DNAH12: variants seen among roughly 807,000 people sequenced by gnomAD.
The protein encoded by DNAH12 is axonemal beta dynein heavy chain 12.
A neutral mutation model predicts 371.5 loss-of-function variants in DNAH12; 285 were observed. The observed-to-expected ratio is 0.77, with a 90% confidence interval of 0.70 to 0.85. The LOEUF (loss-of-function observed/expected upper bound fraction) is 0.85, where lower values mean the gene tolerates loss of function less well. Ranked by LOEUF, DNAH12 falls within the 40% of genes least tolerant of loss-of-function variation. DNAH12 has a pLI of 0.00. For missense variants in DNAH12, 3,611 were observed against 3,689.4 expected (o/e 0.98, Z 0.55); for synonymous variants, 1,200 against 1,213.0 (o/e 0.99, Z 0.22).
At chr3:57,483,782 C>CAA (rs369010253) in intron 12 of DNAH12, among the ~76,000 whole-genome samples, 93 of 136,588 alleles carry the variant, frequency 6.8e-4, no homozygotes, top group Non-Finnish European at 9.4e-4. Flanking sequence ...CCTGTCTCTA[C>CAA]AAAAAAAAAA....
At chr3:57,400,108 C>T (rs921178377) in intron 43 of DNAH12, among the ~76,000 whole-genome samples, 4 of 152,076 alleles carry the variant, frequency 2.6e-5, no homozygotes, top group South Asian at 2.1e-4. Context: ...GGCCAAATGG[C>T]GAAACCCCAT....
chr3:57,471,640 T>C (rs1406804732), intron 14 of DNAH12, 34 bp from the exon 15 acceptor site: 2 of 1,487,780 alleles, frequency 1.3e-6, no homozygotes, highest in South Asian at 2.7e-5. Flanking sequence ...TGTTAGTTAA[T>C]CTGTAACAAA....
chr3:57,465,302 G>A (rs1047774661), intron 17 of DNAH12, among the ~76,000 whole-genome samples: 3 of 152,024 alleles, frequency 2.0e-5, no homozygotes, highest in East Asian at 1.9e-4. Flanking sequence ...CAAACAAAAC[G>A]TCAGGCTAAA....
At chr3:57,492,291 T>A (rs576103815) in intron 11 of DNAH12, among the ~76,000 whole-genome samples, 1 of 152,038 alleles carries the variant, frequency 6.6e-6, no homozygotes, top group East Asian at 1.9e-4. Flanking sequence ...AGCAACCGTG[T>A]CTCTACTAAA....
At chr3:57,504,471 T>G (rs933724724) in intron 8 of DNAH12, among the ~76,000 whole-genome samples, 1 of 152,104 alleles carries the variant, frequency 6.6e-6, no homozygotes, top group Non-Finnish European at 1.5e-5. Flanking sequence ...AGTGCAGTGG[T>G]GCCATCATAG....
At chr3:57,342,793 G>C (rs1559571565) in intron 60 of DNAH12, among the ~76,000 whole-genome samples, 1 of 151,878 alleles carries the variant, frequency 6.6e-6, no homozygotes, top group African/African-American at 2.4e-5. Flanking sequence ...GGCAAATGAG[G>C]CTAGCATGAT....
At chr3:57,339,130 A>G (rs1481337969) in intron 60 of DNAH12, among the ~76,000 whole-genome samples, 1 of 152,190 alleles carries the variant, frequency 6.6e-6, no homozygotes, top group African/African-American at 2.4e-5. Flanking sequence ...GGTTAAATGG[A>G]TTAAGGGCGG....
intron 4 of DNAH12, among the ~76,000 whole-genome samples, chr3:57,513,867 G>T (rs375112878): frequency 6.6e-6 from 1 of 152,094 alleles, no homozygotes; most frequent in African/African-American, 2.4e-5. Context: ...ATTTTGGAAA[G>T]AAATTTTGCA....
chr3:57,551,522 T>TGGCTCCCAA, the DNAH12 span, among the ~76,000 whole-genome samples: 1 of 149,750 alleles, frequency 6.7e-6, no homozygotes, highest in African/African-American at 2.5e-5. Context: ...CCGCCCGCCT[T>TGGCTCCCAA]GGCTCCCAAA....
chr3:57,363,608 T>A lies in DNAH12; in HGVS notation c.9346A>T (p.Thr3116Ser), dbSNP rs1461332842. Residue 3116 changes from threonine to serine, a missense_variant, in exon 58 of 74, where the codon ACA becomes TCA. By Grantham distance (58) the Thr-to-Ser change is moderately conservative. Coordinates refer to ENST00000495027, the MANE Select transcript of DNAH12 (RefSeq NM_001366028.2). ...TCTTTTTTCACCTGCTGTTTCTTTGTTATTTCATTGGACATCATTTTGGCA... is the reference window on the plus strand; with the variant it reads ...TCTTTTTTCACCTGCTGTTTCTTTGATATTTCATTGGACATCATTTTGGCA... ...DSAKMMSNEITKKQQIAEKTE... is the reference protein window; with the variant it reads ...DSAKMMSNEISKKQQIAEKTE... 1 of 152,164 alleles carries A rather than the reference T, an allele frequency of 6.6e-6. No homozygotes were observed. The highest frequency in any genetic ancestry group is 1.5e-5 in the Non-Finnish European group (1 of 67,996). 9.4% of individuals were successfully genotyped at this position (152,164 alleles called of 1,614,324 possible).
chr3:57,376,549 C>T (rs1227019949), intron 53 of DNAH12, among the ~76,000 whole-genome samples: 1 of 152,100 alleles, frequency 6.6e-6, no homozygotes, highest in South Asian at 2.1e-4. Flanking sequence ...AGCTGGCTGT[C>T]CAATCCAAGT....
chr3:57,502,971 C>T (rs767091111), intron 9 of DNAH12, among the ~76,000 whole-genome samples: 5 of 152,146 alleles, frequency 3.3e-5, no homozygotes, highest in East Asian at 1.9e-4. Flanking sequence ...TGAGCCATTG[C>T]GCCTGGCCTA....
chr3:57,499,648 A>AAAAAAAAAAAAAAAAAATATATG lies in DNAH12; in HGVS notation c.1335+1672_1335+1673insCATATATTTTTTTTTTTTTTTTT, dbSNP rs71088082. Among the ~76,000 whole-genome samples, 2 of 21,298 alleles carry AAAAAAAAAAAAAAAAAATATATG rather than the reference A, an allele frequency of 9.4e-5. 1 individual carries two copies. The highest frequency in any genetic ancestry group is 4.0e-4 in the African/African-American group (2 of 5,028). 14.0% of individuals were successfully genotyped at this position (21,298 alleles called of 152,430 possible). A position where few individuals can be genotyped will look rare whatever the true frequency, so the allele number is the denominator to read the frequency against. On this transcript the variant is annotated intron_variant, in intron 11 of 73. Coordinates refer to ENST00000495027, the MANE Select transcript of DNAH12 (RefSeq NM_001366028.2). ...ATCTCTACAAAAAAAAAAAAAAAAA[A>AAAAAAAAAAAAAAAAAATATATG]TATATATATATATATATATATATAT...
In DNAH12 at chr3:57,405,900, T is replaced by A; in HGVS notation, c.6329A>T (p.Tyr2110Phe). 6.5e-7 allele frequency: 1 copy of A among 1,550,054 alleles called. No homozygotes were observed. Among genetic ancestry groups the A allele is most frequent in the Non-Finnish European group, 8.7e-7 (1 of 1,145,522 alleles). Residue 2110 changes from tyrosine (Y) to phenylalanine (F), a missense_variant, in exon 41 of 74, where the codon TAT becomes TTT. Around this residue, in one of 3 missense-constraint regions of DNAH12, gnomAD observed 2,266 missense variants for 2,236.9 expected, o/e 1.01. Transcript: ENST00000495027. ...NLLPTPTKSH[Y>F]TFNLRDFSRV... Reference sequence around the variant, plus strand: ...TGAAAAATCACGCAAGTTGAAAGTATAATGGGATTTTGTGGGAGTGGGTAA... The same window carrying A: ...TGAAAAATCACGCAAGTTGAAAGTAAAATGGGATTTTGTGGGAGTGGGTAA...
chr3:57,516,084 G>C (rs71311812), intron 4 of DNAH12, among the ~76,000 whole-genome samples: 1 of 87,188 alleles, frequency 1.1e-5, no homozygotes, highest in African/African-American at 4.6e-5. Context: ...TTTTTCTTCA[G>C]ATGGAGTCTC....
upstream of DNAH12, among the ~76,000 whole-genome samples, chr3:57,549,282 G>A (rs957470756): frequency 6.6e-6 from 1 of 152,026 alleles, no homozygotes; most frequent in African/African-American, 2.4e-5. Flanking sequence ...TTAGGAGATT[G>A]AGGCAGGCAA....
chr3:57,397,069 C>T (rs2153349499), intron 43 of DNAH12, among the ~76,000 whole-genome samples: 1 of 152,074 alleles, frequency 6.6e-6, no homozygotes, highest in East Asian at 1.9e-4. Flanking sequence ...TATGAAAATC[C>T]TTACATACAT....
At chr3:57,509,861 TAAAAAAAAAAAAAAA>T (rs902155403) in intron 5 of DNAH12, among the ~76,000 whole-genome samples, 3 of 46,554 alleles carry the variant, frequency 6.4e-5, no homozygotes, top group Admixed American at 3.4e-4. Flanking sequence ...GACTCCATCA[TAAAAAAAAAAAAAAA>T]AAAAAAAAAA....
intron 49 of DNAH12, among the ~76,000 whole-genome samples, chr3:57,384,135 G>A (rs993647530): frequency 2.0e-5 from 3 of 152,132 alleles, no homozygotes; most frequent in East Asian, 1.9e-4. Flanking sequence ...AAAAAGTTAC[G>A]TACAACATAA....
Sources: gnomAD v4.1 joint callset for allele counts (sites outside exome capture counted in the v4.1 genomes callset) on GRCh38, gnomAD v4.1.1 for gene constraint, gnomAD v4.1.1 regional missense constraint, MANE v1.5 for transcripts, NCBI Gene and HGNC (gene_info 2026-07-23, HGNC 2026-07-21) for gene names.